INPP4B: variants seen among roughly 807,000 people sequenced by gnomAD.
The protein encoded by INPP4B is inositol polyphosphate-4-phosphatase type II B, also known as inositol polyphosphate 4-phosphatase type II.
In INPP4B, 55 loss-of-function variants were observed where a neutral mutation model predicts 122.5. The observed-to-expected ratio is 0.45, with a 90% CI of 0.36 to 0.56. INPP4B has a LOEUF of 0.56. INPP4B is among the 20% of genes least tolerant of loss of function. The pLI is 0.00. For missense variants in INPP4B, 1,000 were observed against 1,097.7 expected (o/e 0.91, Z 1.26); for synonymous variants, 403 against 388.7 (o/e 1.04, Z -0.43).
chr4:142,405,364 A>G (rs1474121535), intron 5 of INPP4B, 40 bp from the exon 6 acceptor site: 2 of 1,218,180 alleles, frequency 1.6e-6, no homozygotes, highest in African/African-American at 3.0e-5. Context: ...AGAAACTAAC[A>G]CCATATCTCA....
At chr4:142,408,591 C>A (rs947949482) in intron 5 of INPP4B, among the ~76,000 whole-genome samples, 3 of 152,160 alleles carry the variant, frequency 2.0e-5, no homozygotes, top group Admixed American at 6.5e-5. Flanking sequence ...TCCAGCTATA[C>A]TTACCACTGC....
At chr4:142,351,909 T>C (rs1782043967) in intron 7 of INPP4B, among the ~76,000 whole-genome samples, 1 of 152,076 alleles carries the variant, frequency 6.6e-6, no homozygotes, top group Non-Finnish European at 1.5e-5. Context: ...GAGCTCATTA[T>C]TTCCTATATA....
chr4:142,192,717 A>C (rs1180262763), intron 15 of INPP4B, among the ~76,000 whole-genome samples: 1 of 152,180 alleles, frequency 6.6e-6, no homozygotes, highest in Admixed American at 6.6e-5. Flanking sequence ...GGTAAAAATC[A>C]TAAATTAGGA....
intron 1 of INPP4B, among the ~76,000 whole-genome samples, chr4:142,761,510 T>C (rs1771335699): frequency 6.6e-6 from 1 of 152,180 alleles, no homozygotes; most frequent in Admixed American, 6.6e-5. Flanking sequence ...GCCAAATAAC[T>C]GAGTCATATT....
At chr4:142,798,782 A>T (rs1580942709) in intron 1 of INPP4B, among the ~76,000 whole-genome samples, 1 of 151,838 alleles carries the variant, frequency 6.6e-6, no homozygotes, top group East Asian at 1.9e-4. Flanking sequence ...CAATTAGTAT[A>T]TTATTTATTT....
intron 15 of INPP4B, among the ~76,000 whole-genome samples, chr4:142,174,648 A>G (rs1827225518): frequency 6.6e-6 from 1 of 151,874 alleles, no homozygotes; most frequent in African/African-American, 2.4e-5. Context: ...TTTAAGAGAC[A>G]GGATCTCACT....
At chr4:142,388,908 T>C (rs967383660) in intron 7 of INPP4B, among the ~76,000 whole-genome samples, 2 of 152,128 alleles carry the variant, frequency 1.3e-5, no homozygotes, top group African/African-American at 4.8e-5. Context: ...AACTGCATAT[T>C]TTCCTAAGCC....
chr4:142,761,653 G>A lies in INPP4B; in HGVS notation c.-253-35752C>T, dbSNP rs566374665. ...TGAAAGTCATTGTCAAGTTGACCAA[G>A]CACTTGTGATATTTGTTTCTATTTT... On this transcript the variant is annotated intron_variant, in intron 1 of 25. Transcript: ENST00000262992. 7.9e-5 allele frequency among the ~76,000 whole-genome samples: 12 copies of A among 152,246 alleles called. No homozygotes were observed. The South Asian group carries it at 2.3e-3, about 29-fold the overall frequency.
At chr4:142,289,565 G>A (rs1190732591) in intron 9 of INPP4B, among the ~76,000 whole-genome samples, 2 of 152,126 alleles carry the variant, frequency 1.3e-5, no homozygotes, top group Admixed American at 6.6e-5. Context: ...GGCCCCGTGT[G>A]TGTTGTTTCC....
In INPP4B at chr4:142,026,858, T is replaced by G. The variant is rs1362445468; in HGVS notation, c.*1924A>C. Reference sequence around the variant, plus strand: ...AAATACAAATAAAAATTATTGCTTATAAGAGTATTTACAGAATGATAAATT... The same window carrying G: ...AAATACAAATAAAAATTATTGCTTAGAAGAGTATTTACAGAATGATAAATT... On this transcript the variant is annotated 3_prime_UTR_variant, in exon 26 of 26. Transcript: ENST00000262992. 2 of 152,326 alleles carry G rather than the reference T, an allele frequency of 1.3e-5. No individual in the cohort carries two copies. The highest frequency in any genetic ancestry group is 3.9e-4 in the East Asian group (2 of 5,184). 9.4% of individuals were successfully genotyped at this position (152,326 alleles called of 1,614,324 possible). A position where few individuals can be genotyped will look rare whatever the true frequency, so the allele number is the denominator to read the frequency against.
intron 7 of INPP4B, chr4:142,317,183 A>G: frequency 5.2e-6 from 1 of 190,616 alleles, no homozygotes; most frequent in Non-Finnish European, 1.1e-5. Context: ...AGCATCTGTC[A>G]TAGAGTTCAG....
intron 2 of INPP4B, among the ~76,000 whole-genome samples, chr4:142,636,262 G>A (rs188752835): frequency 2.1e-4 from 32 of 152,058 alleles, no homozygotes; most frequent in Admixed American, 1.4e-3. Context: ...ACCAAGTCTC[G>A]GGTATTTCTT....
At chr4:142,505,654 C>A (rs1395443718) in intron 2 of INPP4B, among the ~76,000 whole-genome samples, 1 of 152,050 alleles carries the variant, frequency 6.6e-6, no homozygotes, top group Admixed American at 6.6e-5. Context: ...GTAGTTATTG[C>A]AAATTAGCCA....
At chr4:142,064,288 T>C (rs557490641) in intron 25 of INPP4B, among the ~76,000 whole-genome samples, 2 of 152,262 alleles carry the variant, frequency 1.3e-5, no homozygotes, top group South Asian at 4.1e-4. Flanking sequence ...ACATACACAA[T>C]AAAATTGTAT....
intron 2 of INPP4B, among the ~76,000 whole-genome samples, chr4:142,636,053 C>G (rs142448345): frequency 0.012 from 1,752 of 152,084 alleles, 31 homozygotes; most frequent in African/African-American, 0.032. Flanking sequence ...GGGGCAGTTT[C>G]CCCCATGCAG....
chr4:142,200,224 G>T (rs779588791), intron 14 of INPP4B, among the ~76,000 whole-genome samples: 1 of 151,574 alleles, frequency 6.6e-6, no homozygotes, highest in African/African-American at 2.4e-5. Flanking sequence ...TTTTGGGAGC[G>T]CCTTAAGGTT....
chr4:142,653,811 G>T (rs1753542583), intron 2 of INPP4B, among the ~76,000 whole-genome samples: 1 of 152,162 alleles, frequency 6.6e-6, no homozygotes. Context: ...AGACAGTGTG[G>T]CAATTCCTCA....
intron 5 of INPP4B, 92 bp from the exon 6 acceptor site, chr4:142,405,416 G>C: frequency 1.3e-6 from 1 of 753,426 alleles, no homozygotes; most frequent in Admixed American, 2.0e-5. Context: ...CTTAGCTACA[G>C]CACTGAAGGA....
At chr4:142,231,963 T>C (rs1854564738) in intron 12 of INPP4B, among the ~76,000 whole-genome samples, 1 of 152,176 alleles carries the variant, frequency 6.6e-6, no homozygotes, top group African/African-American at 2.4e-5. Flanking sequence ...AAGACAGGCC[T>C]GCTTTTGTCA....
Sources: gnomAD v4.1 joint callset for allele counts (sites outside exome capture counted in the v4.1 genomes callset) on GRCh38, gnomAD v4.1.1 for gene constraint, MANE v1.5 for transcripts, NCBI Gene and HGNC (gene_info 2026-07-23, HGNC 2026-07-21) for gene names.